TRIM33: variants seen among roughly 807,000 people sequenced by gnomAD.
The protein encoded by TRIM33 is tripartite motif containing 33.
In TRIM33, 20 loss-of-function variants were observed where a neutral mutation model predicts 125.4. The ratio of observed to expected loss-of-function variants is 0.16; its 90% CI spans 0.11 to 0.23. The LOEUF (loss-of-function observed/expected upper bound fraction) is 0.23. Among genes scored for constraint, TRIM33 ranks in the 10% least tolerant of loss-of-function variants. TRIM33 has a pLI of 1.00. For missense variants in TRIM33, 920 were observed against 1,411.4 expected, an observed-to-expected ratio of 0.65 and a Z score of 5.58; for synonymous variants, 564 against 513.9, an observed-to-expected ratio of 1.10 and a Z score of -1.32.
chr1:114,479,915 G>C (rs1651205861), intron 1 of TRIM33, among the ~76,000 whole-genome samples: 2 of 143,566 alleles, frequency 1.4e-5, no homozygotes, highest in Admixed American at 6.9e-5. Context: ...GGGCGCCTCT[G>C]CCCGGCCGCC....
Position 114,433,650 on chromosome 1 carries a change from T to G in TRIM33, c.1007A>C (p.Tyr336Ser), listed in dbSNP as rs1473877205. 6.2e-7 allele frequency: 1 copy of G among 1,611,956 alleles called. No individual in the cohort carries two copies. The highest frequency in any genetic ancestry group is 8.5e-7 in the Non-Finnish European group (1 of 1,179,032). ...LLAKLLEKKN[Y>S]VHFAATQVQN... Reference sequence around the variant, plus strand: ...CACCTGAGTAGCTGCAAAATGAACATAATTCTTCTTCTCAAGAAGTTTCGC... The same window carrying G: ...CACCTGAGTAGCTGCAAAATGAACAGAATTCTTCTTCTCAAGAAGTTTCGC... Residue 336 changes from tyrosine to serine, a missense_variant, in exon 5 of 20, where the codon TAT becomes TCT. Physicochemically the swap from Tyr to Ser is moderately radical, Grantham distance 144. Coordinates refer to ENST00000358465, the MANE Select transcript of TRIM33 (RefSeq NM_015906.4).
chr1:114,443,758 G>A (rs1648806579), intron 4 of TRIM33, among the ~76,000 whole-genome samples: 2 of 152,006 alleles, frequency 1.3e-5, no homozygotes, highest in South Asian at 4.1e-4. Flanking sequence ...GTGGAGCCAG[G>A]TGTGGTAGCT....
chr1:114,485,826 A>T (rs1651648479), intron 1 of TRIM33, among the ~76,000 whole-genome samples: 1 of 152,222 alleles, frequency 6.6e-6, no homozygotes, highest in East Asian at 1.9e-4. Flanking sequence ...GATATCCAAA[A>T]TATTTGCAAT....
intron 15 of TRIM33, 193 bp downstream of exon 15, chr1:114,405,217 C>T: frequency 1.9e-6 from 1 of 523,218 alleles, no homozygotes; most frequent in Non-Finnish European, 3.3e-6. Context: ...TACTCTTTAA[C>T]ATTAATGTAC....
At chr1:114,496,960 T>C (rs548544974) in intron 1 of TRIM33, among the ~76,000 whole-genome samples, 38 of 152,368 alleles carry the variant, frequency 2.5e-4, no homozygotes, top group Middle Eastern at 3.4e-3. Flanking sequence ...ATAGTGTAAG[T>C]ACATAATAAA....
intron 4 of TRIM33, among the ~76,000 whole-genome samples, chr1:114,445,732 T>A (rs957622572): frequency 6.6e-6 from 1 of 152,100 alleles, no homozygotes; most frequent in Non-Finnish European, 1.5e-5. Context: ...GAAGGAACAA[T>A]ACGAGTGACA....
At chr1:114,503,291 G>T (rs1652814527) in intron 1 of TRIM33, among the ~76,000 whole-genome samples, 2 of 152,040 alleles carry the variant, frequency 1.3e-5, no homozygotes, top group Non-Finnish European at 2.9e-5. Context: ...GACCAGCCTG[G>T]CCAACATGGC....
At chr1:114,405,172 T>C (rs567572470) in intron 15 of TRIM33, 1 of 417,594 alleles carries the variant, frequency 2.4e-6, no homozygotes, top group Non-Finnish European at 4.2e-6. Context: ...ATTTTCCTTA[T>C]ACTGAATATA....
At chr1:114,461,541 T>C (rs575855602) in intron 4 of TRIM33, among the ~76,000 whole-genome samples, 1 of 151,148 alleles carries the variant, frequency 6.6e-6, no homozygotes, top group Non-Finnish European at 1.5e-5. Context: ...GTTGTGTGAG[T>C]ATAGGAGGAG....
At position 114,399,603 on chromosome 1, in the gene TRIM33, T is replaced by C. The variant is rs1323468012; in HGVS notation, c.2974A>G (p.Asn992Asp). ...GGTTTCTTTATAATTTTATAGTAGT[T>C]TGGTATCTAAAATAAGCACATAATG... ...FQEPVPASIPNYYKIIKKPMD... is the reference protein window; with the variant it reads ...FQEPVPASIPDYYKIIKKPMD... The change falls in exon 18 of 20, where the codon AAC becomes GAC. Residue 992 changes from asparagine (N) to aspartate (D), a missense_variant. This residue lies in a region of TRIM33 where 122 missense variants were observed against 236.8 expected (regional missense o/e 0.52). Coordinates refer to ENST00000358465, the MANE Select transcript of TRIM33 (RefSeq NM_015906.4). 1 of 1,597,344 alleles carries C rather than the reference T, an allele frequency of 6.3e-7. No individual in the cohort carries two copies. The highest frequency in any genetic ancestry group is 8.5e-7 in the Non-Finnish European group (1 of 1,171,278).
chr1:114,497,846 C>T (rs1166232086), intron 1 of TRIM33, among the ~76,000 whole-genome samples: 5 of 150,040 alleles, frequency 3.3e-5, no homozygotes, highest in Non-Finnish European at 5.9e-5. Flanking sequence ...TCATCTATTG[C>T]TCGAGGAAGC....
intron 4 of TRIM33, among the ~76,000 whole-genome samples, chr1:114,440,128 A>G (rs1395695239): frequency 1.3e-5 from 2 of 152,182 alleles, no homozygotes; most frequent in African/African-American, 4.8e-5. Context: ...AAAAGACTGA[A>G]TGACAATAAC....
chr1:114,420,324 T>C (rs919810723), intron 11 of TRIM33: 2 of 1,055,502 alleles, frequency 1.9e-6, no homozygotes, highest in African/African-American at 1.6e-5. Flanking sequence ...CCCATCCTTT[T>C]CTCAGCCCAA....
At chr1:114,490,916 A>G (rs1426037373) in intron 1 of TRIM33, 1 of 152,198 alleles carries the variant, frequency 6.6e-6, no homozygotes, top group Non-Finnish European at 1.5e-5. Flanking sequence ...AAGACCACAC[A>G]TCGTATATTT....
intron 11 of TRIM33, among the ~76,000 whole-genome samples, chr1:114,412,564 G>T (rs992280145): frequency 1.3e-5 from 2 of 151,956 alleles, no homozygotes; most frequent in South Asian, 4.2e-4. Context: ...CCACTCATCT[G>T]CTTCCTTCAG....
At chr1:114,435,424 C>A (rs1344149637) in intron 4 of TRIM33, among the ~76,000 whole-genome samples, 1 of 152,180 alleles carries the variant, frequency 6.6e-6, no homozygotes. Flanking sequence ...TTCACAATTA[C>A]TGTGTAATTG....
intron 11 of TRIM33, among the ~76,000 whole-genome samples, chr1:114,414,027 GCACACACACA>G (rs3077592): frequency 0.019 from 2,525 of 130,686 alleles, 52 homozygotes; most frequent in Non-Finnish European, 0.022. Flanking sequence ...TAAATCACAG[GCACACACACA>G]CACACACACA....
intron 1 of TRIM33, among the ~76,000 whole-genome samples, chr1:114,507,864 C>G (rs1263220442): frequency 6.6e-6 from 1 of 152,154 alleles, no homozygotes; most frequent in Non-Finnish European, 1.5e-5. Flanking sequence ...TGCCTGTAAT[C>G]CCAGGACTTT....
chr1:114,450,174 T>C (rs1425930573), intron 4 of TRIM33, among the ~76,000 whole-genome samples: 1 of 152,124 alleles, frequency 6.6e-6, no homozygotes, highest in Admixed American at 6.5e-5. Context: ...GGAGAATCGC[T>C]TGCACCCGGC....
Sources: gnomAD v4.1 joint callset for allele counts (sites outside exome capture counted in the v4.1 genomes callset) on GRCh38, gnomAD v4.1.1 for gene constraint, gnomAD v4.1.1 regional missense constraint, MANE v1.5 for transcripts, NCBI Gene and HGNC (gene_info 2026-07-23, HGNC 2026-07-21) for gene names.